The following PLEC variants were observed in gnomAD, a reference collection of about 807,000 sequenced individuals.
The protein encoded by PLEC is plectin.
Under a neutral mutation model 392.8 loss-of-function variants are expected in PLEC, and 216 were observed. That is an observed-to-expected ratio of 0.55 (90% confidence interval 0.49 to 0.62). The LOEUF is 0.62. Ranked by LOEUF, PLEC falls within the 20% of genes least tolerant of loss-of-function variation. The pLI, the probability that PLEC is intolerant of heterozygous loss-of-function variation, is 0.00. For missense variants in PLEC, 6,863 were observed against 6,563.4 expected (o/e 1.05, Z -1.58); for synonymous variants, 3,621 against 2,980.6 (o/e 1.21, Z -7.00).
chr8:143,933,062 G>A lies in PLEC; in HGVS notation c.1468C>T (p.Leu490=). ...RLVAIRTEYN[L]RLKAGVAAPA... is the part of the protein sequence containing the mutation. ...GCCGCCACGCCTGCCTTCAGCCGTA[G>A]GTTGTACTCGGTGCGGATGGCTACC... Residue 490 remains leucine, a synonymous_variant, in exon 14 of 32, where the codon CTA becomes TTA. Coordinates refer to ENST00000345136, the MANE Select transcript of PLEC (RefSeq NM_201384.3). 6.3e-7 allele frequency: 1 copy of A among 1,590,582 alleles called. No individual in the cohort carries two copies.
chr8:143,917,445 GCTT>G lies in PLEC; in HGVS notation c.12373_12375del (p.Lys4125del), dbSNP rs1820939472. 1.9e-6 allele frequency: 3 copies of G among 1,613,374 alleles called. No homozygotes were observed. The highest frequency in any genetic ancestry group is 2.2e-5 in the South Asian group (2 of 91,080). On this transcript the variant is annotated inframe_deletion, in exon 32 of 32. Coordinates refer to ENST00000345136, the MANE Select transcript of PLEC (RefSeq NM_201384.3). Reference sequence around the variant, plus strand: ...GACTTGGAGGACGTCTTCCGCTCCCGCTTCTTCTCCTTCAGCGGCAAGAGACAC... The same window carrying G: ...GACTTGGAGGACGTCTTCCGCTCCCGCTTCTCCTTCAGCGGCAAGAGACAC...
At chr8:143,957,183 TG>T, upstream of PLEC, among the ~76,000 whole-genome samples, 1 of 152,202 alleles carries the variant, frequency 6.6e-6, no homozygotes, top group East Asian at 1.9e-4. Context: ...GAAAGGGAGC[TG>T]GGGTAGAGGA....
In PLEC at chr8:143,919,569, C is replaced by A; in HGVS notation, c.10252G>T (p.Val3418Leu). 2 of 1,605,016 alleles carry A rather than the reference C, an allele frequency of 1.2e-6. No individual in the cohort carries two copies. Among genetic ancestry groups the A allele is most frequent in the Non-Finnish European group, 1.7e-6 (2 of 1,177,162 alleles). ...AGCTGCTCGTGAAGCTCGGGGCCCA[C>A]CACGCCCGCCTTCACGGCCTCGTGG... is the stretch of plus-strand genomic sequence containing the variant. The part of the protein sequence containing the change: ...YVHEAVKAGV[V>L]GPELHEQLLS... The change falls in exon 32 of 32, where the codon GTG becomes TTG. Residue 3418 changes from valine to leucine, a missense_variant. Transcript: ENST00000345136.
chr8:143,957,708 A>G (rs1832666658), upstream of PLEC, among the ~76,000 whole-genome samples: 1 of 152,048 alleles, frequency 6.6e-6, no homozygotes, highest in African/African-American at 2.4e-5. Flanking sequence ...CCTGTCCCCC[A>G]CACCACACCT....
In PLEC at chr8:143,921,679, G is replaced by A. The variant is rs782082427; in HGVS notation, c.8142C>T (p.Ala2714=). 2.5e-5 allele frequency: 41 copies of A among 1,613,022 alleles called. No homozygotes were observed. Among genetic ancestry groups the A allele is most frequent in the African/African-American group, 1.6e-4 (12 of 74,920 alleles). The change falls in exon 32 of 32, where the codon GCC becomes GCT. Residue 2714 remains alanine (A), a synonymous_variant. Coordinates refer to ENST00000345136, the MANE Select transcript of PLEC (RefSeq NM_201384.3). ...KATNEKLSVY[A]ALQRQLLSPG... ...GACTCAGCAGCTGCCTCTGCAGGGC[G>A]GCGTAAACACTCAGCTTCTCATTGG... is the stretch of plus-strand genomic sequence containing the variant.
In PLEC at chr8:143,918,188, G is replaced by A. The variant is rs782567022; in HGVS notation, c.11633C>T (p.Ser3878Leu). 3.3e-5 allele frequency: 53 copies of A among 1,591,774 alleles called. No homozygotes were observed. In the Admixed American group the frequency reaches 3.3e-4, roughly 10 times the overall value. ...DGTGQLLLPLSDARKLTFRGL... is the reference protein window; with the variant it reads ...DGTGQLLLPLLDARKLTFRGL... ...ACGGAAGGTCAGCTTGCGGGCGTCCGACAGTGGCAGGAGCAGCTGGCCGGT... is the reference window on the plus strand; with the variant it reads ...ACGGAAGGTCAGCTTGCGGGCGTCCAACAGTGGCAGGAGCAGCTGGCCGGT... Residue 3878 changes from serine (S) to leucine (L), a missense_variant, in exon 32 of 32, where the codon TCG (serine) becomes TTG (leucine). Ser to Leu is a moderately radical substitution (Grantham distance 145). Transcript: ENST00000345136.
In PLEC at chr8:143,930,001, T is replaced by A. The variant is rs1826671186; in HGVS notation, c.2674A>T (p.Ser892Cys). 1 of 1,612,074 alleles carries A rather than the reference T, an allele frequency of 6.2e-7. No homozygotes were observed. Among genetic ancestry groups the A allele is most frequent in the South Asian group, 1.1e-5 (1 of 91,050 alleles). ...CGAAGGCTCTGCCAGGCCAGAAGGC[T>A]CTTCATGTCCACGTGCAACTGGTGC... ...LWHQLHVDMK[S>C]LLAWQSLRRD... Residue 892 changes from serine (S) to cysteine (C), a missense_variant, in exon 22 of 32, where the codon AGC becomes TGC. By Grantham distance (112) the Ser-to-Cys change is moderately radical (BLOSUM62 -1). Coordinates refer to ENST00000345136, the MANE Select transcript of PLEC (RefSeq NM_201384.3).
Position 143,930,045 on chromosome 8 carries a change from T to C in PLEC, c.2630A>G (p.Gln877Arg). 1 of 1,611,594 alleles carries C rather than the reference T, an allele frequency of 6.2e-7. No homozygotes were observed. Among genetic ancestry groups the C allele is most frequent in the Non-Finnish European group, 8.5e-7 (1 of 1,179,772 alleles). ...EAVTRLEAQH[Q>R]ALVTLWHQLH... ...CTGGTGCCACAGCGTGACCAGGGCC[T>C]GGTGCTGGGCCTCCAGCCTGGCAGG... is the stretch of plus-strand genomic sequence containing the variant. The change falls in exon 22 of 32, where the codon CAG becomes CGG. Residue 877 changes from glutamine (Q) to arginine (R), a missense_variant. Physicochemically the swap from Gln to Arg is conservative, Grantham distance 43 (BLOSUM62 1). Transcript: ENST00000345136.
upstream of PLEC, chr8:143,939,688 G>A (rs1830065538): frequency 2.2e-6 from 3 of 1,371,656 alleles, no homozygotes; most frequent in South Asian, 4.7e-5. Context: ...CGCCAGGGAG[G>A]GGAGTGTCCC....
At chr8:143,938,111 TGGGGCAGGC>T in intron 3 of PLEC, 31 bp downstream of exon 3, 1 of 1,466,140 alleles carries the variant, frequency 6.8e-7, no homozygotes, top group South Asian at 1.2e-5. Context: ...GGTCTCCAGG[TGGGGCAGGC>T]GGGGCCCGGA....
At chr8:143,944,544 C>T (rs575076958), upstream of PLEC, 214 of 617,738 alleles carry the variant, frequency 3.5e-4, no homozygotes, top group African/African-American at 3.6e-3. Flanking sequence ...GTGTGCAGGG[C>T]GAGGGACAGC....
In PLEC at chr8:143,937,200, C is replaced by A. The variant is rs1829279028; in HGVS notation, c.307G>T (p.Val103Phe). Residue 103 changes from valine (V) to phenylalanine (F), a missense_variant, in exon 4 of 32, where the codon GTC becomes TTC. Physicochemically the swap from Val to Phe is conservative, Grantham distance 50. Transcript: ENST00000345136. ...GRMRFHKLQNVQIALDYLRHR... is the reference protein window; with the variant it reads ...GRMRFHKLQNFQIALDYLRHR... Reference sequence around the variant, plus strand: ...CGGAGGTAGTCCAGGGCAATCTGGACATTCTGCAGCTTGTGGAAACGCATC... The same window carrying A: ...CGGAGGTAGTCCAGGGCAATCTGGAAATTCTGCAGCTTGTGGAAACGCATC... The A allele has an allele frequency of 6.2e-7, 1 of 1,612,802 alleles. No homozygotes were observed. The highest frequency in any genetic ancestry group is 2.2e-5 in the East Asian group (1 of 44,868).
intron 1 of PLEC, among the ~76,000 whole-genome samples, chr8:143,962,522 GA>G (rs1554741150): frequency 1.3e-5 from 2 of 152,236 alleles, no homozygotes; most frequent in East Asian, 3.8e-4. Flanking sequence ...TGAAAATGTG[GA>G]TGTGGCTTTG....
upstream of PLEC, chr8:143,943,982 C>A: frequency 3.3e-6 from 5 of 1,534,956 alleles, no homozygotes; most frequent in Admixed American, 9.8e-5. Flanking sequence ...GCAGGGCGAG[C>A]GAGGGGGAGC....
rs1823604001 is a variant in PLEC at position 143,923,343 on chromosome 8, C to T, written c.6586G>A (p.Glu2196Lys). 1.2e-6 allele frequency: 2 copies of T among 1,610,182 alleles called. No individual in the cohort carries two copies. Among genetic ancestry groups the T allele is most frequent in the East Asian group, 2.2e-5 (1 of 44,770 alleles). The part of the protein sequence containing the change: ...QELTTLRLQL[E>K]ETDHQKNLLD... ...AGGTTCTTCTGGTGGTCGGTCTCCT[C>T]CAGCTGCAGCCGCAGTGTTGTCAGC... Residue 2196 changes from glutamate (E) to lysine (K), a missense_variant, in exon 31 of 32, where the codon GAG becomes AAG. Glu to Lys is a moderately conservative substitution (Grantham distance 56). Transcript: ENST00000345136.
chr8:143,938,781 G>A (rs981791846), intron 1 of PLEC, 89 bp from the exon 2 acceptor site: 1 of 1,166,502 alleles, frequency 8.6e-7, no homozygotes, highest in Non-Finnish European at 1.3e-6. Flanking sequence ...CAGCCTGGCT[G>A]GCCAGGTCCT....
Position 143,917,483 on chromosome 8 carries a change from T to C in PLEC, c.12338A>G (p.Gln4113Arg), listed in dbSNP as rs1335440328. Residue 4113 changes from glutamine to arginine, a missense_variant, in exon 32 of 32, where the codon CAG (glutamine) becomes CGG (arginine). Transcript: ENST00000345136. ...QLMERCITDP[Q>R]TGLCLLPLKE... ...CAGCGGCAAGAGACACAGGCCCGTC[T>C]GGGGGTCAGTGATACAACGCTCCAT... The C allele has an allele frequency of 6.2e-7, 1 of 1,613,824 alleles. No individual in the cohort carries two copies. The highest frequency in any genetic ancestry group is 8.5e-7 in the Non-Finnish European group (1 of 1,180,014).
rs368495183 is a variant in PLEC, at chr8:143,916,821, C to T, written c.13000G>A (p.Asp4334Asn). ...TCCACCAGGCCCTTGTTGACGGCGT[C>T]GGTGACAGGGAAGCGCTCACCGGTG... ...PSTGERFPVTDAVNKGLVDKI... is the reference protein window; with the variant it reads ...PSTGERFPVTNAVNKGLVDKI... The change falls in exon 32 of 32, where the codon GAC becomes AAC. Residue 4334 changes from aspartate (D) to asparagine (N), a missense_variant. Coordinates refer to ENST00000345136, the MANE Select transcript of PLEC (RefSeq NM_201384.3). The T allele has an allele frequency of 1.7e-5, 27 of 1,612,984 alleles. No individual in the cohort carries two copies. Among genetic ancestry groups the T allele is most frequent in the South Asian group, 5.5e-5 (5 of 91,076 alleles).
chr8:143,923,055 G>A lies in PLEC; in HGVS notation c.6874C>T (p.Arg2292Ter), dbSNP rs387906802. 1.2e-5 allele frequency: 19 copies of A among 1,610,502 alleles called. No individual in the cohort carries two copies. The highest frequency in any genetic ancestry group is 2.7e-5 in the African/African-American group (2 of 74,952). Residue 2292 changes from arginine to a stop codon, truncating the protein, a stop_gained, in exon 31 of 32, where the codon CGA (arginine) becomes TGA (stop). Coordinates refer to ENST00000345136, the MANE Select transcript of PLEC (RefSeq NM_201384.3). LOFTEE classifies it high-confidence loss of function. The stretch of plus-strand genomic sequence containing the variant: ...TCCTCCTCTGCCAGCTGCCGCAGTC[G>A]CGCAGCCTCTTGGGCCGCCACACTC... Reference protein sequence around the residue: ...RLSVAAQEAARLRQLAEEDLA... With the variant: ...RLSVAAQEAA
Sources: allele counts gnomAD v4.1 joint callset (sites outside exome capture counted in the v4.1 genomes callset), GRCh38; gene constraint gnomAD v4.1.1; transcripts MANE v1.5; gene names NCBI Gene and HGNC (gene_info 2026-07-23, HGNC 2026-07-21).